FHIT: variants seen among roughly 807,000 people sequenced by gnomAD.
FHIT encodes the protein bis(5'-adenosyl)-triphosphatase.
FHIT carries 19 observed loss-of-function variants against 17.9 expected under a neutral mutation model. The observed-to-expected ratio is 1.06, with a 90% CI of 0.74 to 1.56. The LOEUF (loss-of-function observed/expected upper bound fraction) is 1.56. Among genes scored for constraint, FHIT ranks in the 40% most tolerant of loss-of-function variants. The pLI is 0.00. For missense variants in FHIT, 248 were observed against 189.2 expected, an observed-to-expected ratio of 1.31 and a Z score of -1.82; for synonymous variants, 81 against 69.7, an observed-to-expected ratio of 1.16 and a Z score of -0.81.
intron 4 of FHIT, among the ~76,000 whole-genome samples, chr3:60,728,987 A>T (rs2041973538): frequency 6.6e-6 from 1 of 152,202 alleles, no homozygotes; most frequent in Non-Finnish European, 1.5e-5. Flanking sequence ...TTTTAAACTC[A>T]TTATCAGAGA....
intron 5 of FHIT, among the ~76,000 whole-genome samples, chr3:60,140,002 A>T (rs1699971052): frequency 6.6e-6 from 1 of 151,922 alleles, no homozygotes; most frequent in African/African-American, 2.4e-5. Flanking sequence ...CATGCCTATA[A>T]TCCCAGCTAC....
chr3:60,614,552 C>T lies in FHIT; in HGVS notation c.-17-77573G>A, dbSNP rs372411093. ...CCGGGAGGCAGAGGTTGCAGTGAGA[C>T]GAGATCGATCACGTCATTGCACTCC... On this transcript the variant is annotated intron_variant, in intron 4 of 9. Coordinates refer to ENST00000492590, the MANE Select transcript of FHIT (RefSeq NM_002012.4). 5.3e-5 allele frequency among the ~76,000 whole-genome samples: 8 copies of T among 152,092 alleles called. No homozygotes were observed. The South Asian group carries it at 6.2e-4, about 12-fold the overall frequency.
chr3:60,608,694 T>C (rs1258762990), intron 4 of FHIT, among the ~76,000 whole-genome samples: 2 of 152,152 alleles, frequency 1.3e-5, no homozygotes, highest in Non-Finnish European at 2.9e-5. Flanking sequence ...CTAGACTTTG[T>C]TTTTAGGAAT....
At chr3:60,028,627 C>CA in intron 5 of FHIT, among the ~76,000 whole-genome samples, 1 of 152,000 alleles carries the variant, frequency 6.6e-6, no homozygotes, top group Non-Finnish European at 1.5e-5. Context: ...TGACCAAAAA[C>CA]AAAAACAAAA....
rs903883682 is a variant in FHIT at position 60,043,791 on chromosome 3, C to T, written c.104-29639G>A. Among the ~76,000 whole-genome samples the T allele has an allele frequency of 5.3e-5, 8 of 152,152 alleles. 1 individual carries two copies. Among genetic ancestry groups the T allele is most frequent in the Middle Eastern group, 6.3e-3 (2 of 316 alleles). On this transcript the variant is annotated intron_variant, in intron 5 of 9. Transcript: ENST00000492590. ...TCTCACATCTCCATCAGTGACATAA[C>T]ATATTAAGCAAAAAAGTCCGACCCA...
chr3:60,264,525 T>C (rs1706472274), intron 5 of FHIT, among the ~76,000 whole-genome samples: 1 of 152,134 alleles, frequency 6.6e-6, no homozygotes, highest in Non-Finnish European at 1.5e-5. Flanking sequence ...TATAAGTTAC[T>C]GGTTCTATTA....
intron 5 of FHIT, among the ~76,000 whole-genome samples, chr3:60,414,117 C>A (rs1414709198): frequency 2.6e-5 from 4 of 152,102 alleles, no homozygotes; most frequent in Non-Finnish European, 2.9e-5. Context: ...TTAGGAAACG[C>A]CTTTATGAAT....
intron 5 of FHIT, among the ~76,000 whole-genome samples, chr3:60,143,124 T>C (rs912950625): frequency 4.6e-5 from 7 of 152,286 alleles, no homozygotes; most frequent in Admixed American, 6.5e-5. Flanking sequence ...AGTACAGTGA[T>C]TTTGTTAGAG....
intron 3 of FHIT, among the ~76,000 whole-genome samples, chr3:60,901,117 A>G (rs1446054562): frequency 6.6e-6 from 1 of 152,250 alleles, no homozygotes; most frequent in Non-Finnish European, 1.5e-5. Flanking sequence ...ATTTTTAATT[A>G]AACAATTTAC....
chr3:60,720,293 C>T (rs1417879443), intron 4 of FHIT, among the ~76,000 whole-genome samples: 1 of 152,192 alleles, frequency 6.6e-6, no homozygotes, highest in African/African-American at 2.4e-5. Context: ...CAAATGTCAT[C>T]TCCCCTGAAA....
intron 3 of FHIT, among the ~76,000 whole-genome samples, chr3:60,872,964 C>G (rs1460798773): frequency 1.3e-5 from 2 of 152,106 alleles, no homozygotes; most frequent in Non-Finnish European, 2.9e-5. Context: ...TTATTATTTA[C>G]TTTCCTGTGC....
chr3:60,029,879 T>TTGTGTGTGTG (rs746113510), intron 5 of FHIT, among the ~76,000 whole-genome samples: 2,814 of 131,412 alleles, frequency 0.021, 48 homozygotes, highest in Middle Eastern at 0.053. Flanking sequence ...CATAGAAGCA[T>TTGTGTGTGTG]TGTGTGTGTG....
intron 3 of FHIT, among the ~76,000 whole-genome samples, chr3:60,959,570 A>G (rs565750665): frequency 6.6e-6 from 1 of 152,286 alleles, no homozygotes; most frequent in South Asian, 2.1e-4. Flanking sequence ...ACAGGTGCCC[A>G]TAAGGGGTTC....
At chr3:60,555,969 G>A (rs1022007545) in intron 4 of FHIT, among the ~76,000 whole-genome samples, 2 of 152,202 alleles carry the variant, frequency 1.3e-5, no homozygotes, top group Non-Finnish European at 1.5e-5. Context: ...GTGTGGTCAT[G>A]CTCATTTACA....
At chr3:60,410,114 G>A (rs528186445) in intron 5 of FHIT, among the ~76,000 whole-genome samples, 2 of 152,266 alleles carry the variant, frequency 1.3e-5, no homozygotes, top group East Asian at 3.9e-4. Context: ...GAAAGCATAG[G>A]TAAAAGTTAC....
At chr3:61,120,250 A>G (rs1037570904) in intron 2 of FHIT, among the ~76,000 whole-genome samples, 1 of 152,214 alleles carries the variant, frequency 6.6e-6, no homozygotes, top group African/African-American at 2.4e-5. Flanking sequence ...TAAGATCACT[A>G]TGGGTGACTC....
Position 60,368,200 on chromosome 3 carries a change from A to G in FHIT, c.103+168660T>C, listed in dbSNP as rs529348597. Among the ~76,000 whole-genome samples, 156 of 151,312 alleles carry G rather than the reference A, an allele frequency of 1.0e-3. 1 individual carries two copies. Among genetic ancestry groups the G allele is most frequent in the Non-Finnish European group, 1.9e-3 (127 of 67,748 alleles). On this transcript the variant is annotated intron_variant, in intron 5 of 9. Coordinates refer to ENST00000492590, the MANE Select transcript of FHIT (RefSeq NM_002012.4). Reference sequence around the variant, plus strand: ...AATCATAAAACATATCTTTTTAAAAAAAAAAAAAAAAAGAAACTGAGGAAC... The same window carrying G: ...AATCATAAAACATATCTTTTTAAAAGAAAAAAAAAAAAGAAACTGAGGAAC...
chr3:60,311,523 T>C (rs1708946581), intron 5 of FHIT, among the ~76,000 whole-genome samples: 1 of 152,234 alleles, frequency 6.6e-6, no homozygotes, highest in South Asian at 2.1e-4. Context: ...CTTAATATTC[T>C]GAGTGTATAT....
rs1303073026 is a variant in FHIT, at chr3:59,995,628, T to G, written c.279+15743A>C. Among the ~76,000 whole-genome samples the G allele has an allele frequency of 2.0e-5, 3 of 152,144 alleles. No individual in the cohort carries two copies. The East Asian group carries it at 5.8e-4, about 29-fold the overall frequency. ...TGATGTAAGGTATAAAGTAACATAA[T>G]GCTCCTTGATGGTGAAAGCACATCT... On this transcript the variant is annotated intron_variant, in intron 7 of 9. Transcript: ENST00000492590.
Sources: gnomAD v4.1 joint callset for allele counts (sites outside exome capture counted in the v4.1 genomes callset) on GRCh38, gnomAD v4.1.1 for gene constraint, MANE v1.5 for transcripts, NCBI Gene and HGNC (gene_info 2026-07-23, HGNC 2026-07-21) for gene names.